Variants in STAU2 observed in about 807,000 individuals in gnomAD.
STAU2 encodes double-stranded RNA-binding protein Staufen homolog 2.
In STAU2, 20 loss-of-function variants were observed where a neutral mutation model predicts 65.9. The observed-to-expected ratio is 0.30, with a 90% confidence interval of 0.21 to 0.44. The LOEUF (loss-of-function observed/expected upper bound fraction) is 0.44, where lower values mean the gene tolerates loss of function less well. Among genes scored for constraint, STAU2 ranks in the 20% least tolerant of loss-of-function variants. STAU2 has a pLI of 1.00. For synonymous variants in STAU2, 232 were observed against 233.9 expected (o/e 0.99, Z 0.07); for missense variants, 558 against 683.9 (o/e 0.82, Z 2.05).
intron 3 of STAU2, among the ~76,000 whole-genome samples, chr8:73,731,789 A>T (rs796894334): frequency 6.6e-6 from 1 of 152,032 alleles, no homozygotes; most frequent in South Asian, 2.1e-4. Flanking sequence ...AATACAAAAA[A>T]TTAGCCAGGT....
intron 13 of STAU2, among the ~76,000 whole-genome samples, chr8:73,475,013 A>G (rs2128907671): frequency 6.6e-6 from 1 of 152,330 alleles, no homozygotes; most frequent in Middle Eastern, 3.4e-3. Flanking sequence ...AGATTGAGTC[A>G]CCAAAGAGTA....
intron 12 of STAU2, among the ~76,000 whole-genome samples, chr8:73,555,336 C>CAG (rs5892428): frequency 0.9 from 136,863 of 152,132 alleles, 61,616 homozygotes; most frequent in Admixed American, 0.93. Context: ...CAAGAGCATA[C>CAG]AGAGTCAGAA....
At chr8:73,664,690 T>G (rs986581092) in intron 6 of STAU2, among the ~76,000 whole-genome samples, 7 of 152,220 alleles carry the variant, frequency 4.6e-5, no homozygotes, top group Non-Finnish European at 8.8e-5. Context: ...TGCTGATATT[T>G]TGTTAAGAAT....
intron 2 of STAU2, among the ~76,000 whole-genome samples, chr8:73,739,232 C>A (rs1254325858): frequency 3.9e-3 from 417 of 106,196 alleles, no homozygotes; most frequent in South Asian, 6.6e-3. Context: ...GACTCCATCT[C>A]AAAAAAAAAA....
At chr8:73,674,267 C>A (rs1456199576) in intron 5 of STAU2, among the ~76,000 whole-genome samples, 1 of 151,476 alleles carries the variant, frequency 6.6e-6, no homozygotes, top group South Asian at 2.1e-4. Flanking sequence ...GGTGGGGGAG[C>A]AATCTCTAAA....
At chr8:73,549,157 TTGAA>T (rs1429020905) in intron 13 of STAU2, among the ~76,000 whole-genome samples, 1 of 152,160 alleles carries the variant, frequency 6.6e-6, no homozygotes, top group Non-Finnish European at 1.5e-5. Flanking sequence ...GACTACAACT[TTGAA>T]TGAGTTCTTA....
intron 13 of STAU2, among the ~76,000 whole-genome samples, chr8:73,469,230 T>C (rs1819836533): frequency 6.6e-6 from 1 of 152,068 alleles, no homozygotes; most frequent in Non-Finnish European, 1.5e-5. Flanking sequence ...CCGCATGTTC[T>C]CACTCATAGG....
chr8:73,555,555 A>G (rs185941968), intron 12 of STAU2, among the ~76,000 whole-genome samples: 78 of 152,318 alleles, frequency 5.1e-4, no homozygotes, highest in African/African-American at 1.8e-3. Flanking sequence ...CAACAACAAC[A>G]AAAACAACAA....
chr8:73,689,846 T>A (rs1819201260), intron 4 of STAU2, among the ~76,000 whole-genome samples: 1 of 151,988 alleles, frequency 6.6e-6, no homozygotes, highest in Admixed American at 6.6e-5. Context: ...CCTGATACAA[T>A]CCAGTGAGAA....
At chr8:73,601,662 C>A (rs553282368) in intron 10 of STAU2, among the ~76,000 whole-genome samples, 45 of 152,190 alleles carry the variant, frequency 3.0e-4, no homozygotes, top group Admixed American at 1.8e-3. Context: ...GGGGAAAAAA[C>A]AATATGAATT....
Position 73,551,858 on chromosome 8 carries a change from CTT to C in STAU2, c.1530+152_1530+153del, listed in dbSNP as rs537409425. Reference sequence around the variant, plus strand: ...GAGAAAATGAGGCATGTGCATATGGCTTTTTTGTCTGTCCTTTGTGTTCCTAA... The same window carrying C: ...GAGAAAATGAGGCATGTGCATATGGCTTTTGTCTGTCCTTTGTGTTCCTAA... On this transcript the variant is annotated intron_variant, in intron 13 of 14. Coordinates refer to ENST00000524300, the MANE Select transcript of STAU2 (RefSeq NM_001164380.2). The C allele has an allele frequency of 7.4e-4, 969 of 1,310,070 alleles. 9 individuals carry two copies. In the African/African-American group the frequency reaches 0.013, roughly 18 times the overall value. The allele number at this position is 1,310,070 out of a possible 1,614,324, so 81.2% of individuals were successfully genotyped here. A position where few individuals can be genotyped will look rare whatever the true frequency, so the allele number is the denominator to read the frequency against.
intron 11 of STAU2, among the ~76,000 whole-genome samples, chr8:73,583,578 T>A (rs1325645010): frequency 6.6e-6 from 1 of 152,090 alleles, no homozygotes; most frequent in Admixed American, 6.6e-5. Flanking sequence ...GACAAAAATG[T>A]TACTATGTCC....
At chr8:73,591,134 T>C (rs1375282323) in intron 11 of STAU2, among the ~76,000 whole-genome samples, 2 of 152,182 alleles carry the variant, frequency 1.3e-5, no homozygotes, top group African/African-American at 2.4e-5. Flanking sequence ...AAAAGGCATT[T>C]TCTGCTGATT....
At chr8:73,488,271 C>A (rs1310831258) in intron 13 of STAU2, among the ~76,000 whole-genome samples, 1 of 152,018 alleles carries the variant, frequency 6.6e-6, no homozygotes, top group East Asian at 1.9e-4. Flanking sequence ...TGAATTTTTA[C>A]AGCGCTTTTG....
chr8:73,591,891 A>AC, intron 11 of STAU2, among the ~76,000 whole-genome samples: 1 of 125,414 alleles, frequency 8.0e-6, no homozygotes, highest in South Asian at 2.5e-4. Context: ...GTAAAAAAAA[A>AC]AAAAAAAAAA....
intron 13 of STAU2, among the ~76,000 whole-genome samples, chr8:73,472,318 G>C (rs1488188474): frequency 6.6e-6 from 1 of 152,238 alleles, no homozygotes; most frequent in East Asian, 1.9e-4. Context: ...CATGGTAACT[G>C]AGGGAGGGGA....
At chr8:73,592,596 C>T (rs1238367559) in intron 11 of STAU2, among the ~76,000 whole-genome samples, 2 of 152,144 alleles carry the variant, frequency 1.3e-5, no homozygotes, top group Non-Finnish European at 2.9e-5. Context: ...AGGTGCCTCA[C>T]GCCTGTAATC....
chr8:73,618,028 T>C (rs1421123883), intron 6 of STAU2, among the ~76,000 whole-genome samples: 5 of 151,966 alleles, frequency 3.3e-5, no homozygotes, highest in Admixed American at 2.6e-4. Flanking sequence ...AAAGCTGCAA[T>C]AATGCAGATA....
intron 6 of STAU2, chr8:73,669,143 T>C (rs1243720569): frequency 2.9e-6 from 2 of 701,164 alleles, no homozygotes; most frequent in Non-Finnish European, 5.2e-6. Flanking sequence ...GAAATCATGG[T>C]TGTAACAGCC....
Sources: gnomAD v4.1 joint callset for allele counts (sites outside exome capture counted in the v4.1 genomes callset) on GRCh38, gnomAD v4.1.1 for gene constraint, MANE v1.5 for transcripts, NCBI Gene and HGNC (gene_info 2026-07-23, HGNC 2026-07-21) for gene names.